RHOJ: variants seen among roughly 807,000 people sequenced by gnomAD.
RHOJ encodes rho-related GTP-binding protein RhoJ.
Under a neutral mutation model 23.4 loss-of-function variants are expected in RHOJ, and 11 were observed. The observed-to-expected ratio is 0.47, with a 90% confidence interval of 0.30 to 0.78. RHOJ has a LOEUF of 0.78. RHOJ is among the 30% of genes least tolerant of loss of function. RHOJ has a pLI of 0.08. For missense variants in RHOJ, 254 were observed against 273.4 expected (o/e 0.93, Z 0.50); for synonymous variants, 102 against 102.7 (o/e 0.99, Z 0.04).
chr14:63,204,789 G>A lies in RHOJ; in HGVS notation c.-81G>A. On this transcript the variant is annotated 5_prime_UTR_variant, in exon 1 of 5. Transcript: ENST00000316754. ...ACAGAGTAAACTCAAGCCTGGCACTGGCTTTCTGCCGCTTCATGTGCTTTG... is the reference window on the plus strand; with the variant it reads ...ACAGAGTAAACTCAAGCCTGGCACTAGCTTTCTGCCGCTTCATGTGCTTTG... The A allele has an allele frequency of 6.9e-7, 1 of 1,450,294 alleles. No individual in the cohort carries two copies. The highest frequency in any genetic ancestry group is 9.5e-7 in the Non-Finnish European group (1 of 1,057,540). The allele number at this position is 1,450,294 out of a possible 1,614,324, so 89.8% of individuals were successfully genotyped here. A position where few individuals can be genotyped will look rare whatever the true frequency, so the allele number is the denominator to read the frequency against.
intron 1 of RHOJ, among the ~76,000 whole-genome samples, chr14:63,215,468 C>A (rs1894334974): frequency 6.6e-6 from 1 of 152,224 alleles, no homozygotes; most frequent in Non-Finnish European, 1.5e-5. Flanking sequence ...GATTCCTGAT[C>A]TTTTTGCAGC....
intron 1 of RHOJ, among the ~76,000 whole-genome samples, chr14:63,217,004 T>C (rs1284701027): frequency 6.6e-6 from 1 of 152,132 alleles, no homozygotes; most frequent in Non-Finnish European, 1.5e-5. Context: ...ATCCCTGTCA[T>C]CCTCAGATGA....
At chr14:63,243,530 G>A (rs1221143270) in intron 1 of RHOJ, among the ~76,000 whole-genome samples, 1 of 152,062 alleles carries the variant, frequency 6.6e-6, no homozygotes, top group South Asian at 2.1e-4. Flanking sequence ...AGTAGAGACG[G>A]GGTTTCCCCA....
At chr14:63,221,140 G>A (rs1019812153) in intron 1 of RHOJ, among the ~76,000 whole-genome samples, 1 of 152,060 alleles carries the variant, frequency 6.6e-6, no homozygotes, top group African/African-American at 2.4e-5. Context: ...ACCAGCCTGG[G>A]CAACATGAGG....
In RHOJ at chr14:63,261,332, A is replaced by G. The variant is rs546028946; in HGVS notation, c.179-7778A>G. The stretch of plus-strand genomic sequence containing the variant: ...TGTAACCATTTTTCCTGGTGTATTT[A>G]CCTTTCTTTTTGATAACATCAAAAG... On this transcript the variant is annotated intron_variant, in intron 1 of 4. Coordinates refer to ENST00000316754, the MANE Select transcript of RHOJ (RefSeq NM_020663.5). 5.3e-5 allele frequency among the ~76,000 whole-genome samples: 8 copies of G among 152,056 alleles called. No homozygotes were observed. In the South Asian group the frequency reaches 1.5e-3, roughly 28 times the overall value.
At chr14:63,238,243 TTTGC>T (rs949971788) in intron 1 of RHOJ, among the ~76,000 whole-genome samples, 3 of 152,168 alleles carry the variant, frequency 2.0e-5, no homozygotes, top group East Asian at 1.9e-4. Flanking sequence ...TGTTTATTTG[TTTGC>T]TTGCTTGCTT....
At chr14:63,231,909 A>T (rs1352092122) in intron 1 of RHOJ, among the ~76,000 whole-genome samples, 1 of 152,222 alleles carries the variant, frequency 6.6e-6, no homozygotes, top group African/African-American at 2.4e-5. Context: ...CAAATAATAC[A>T]AAATGTCCAC....
chr14:63,288,985 C>T (rs1882167643), intron 4 of RHOJ, among the ~76,000 whole-genome samples: 1 of 152,154 alleles, frequency 6.6e-6, no homozygotes, highest in Admixed American at 6.5e-5. Flanking sequence ...AGGAAATGAA[C>T]ATGTATCAAG....
At chr14:63,245,394 C>T (rs1894959325) in intron 1 of RHOJ, among the ~76,000 whole-genome samples, 1 of 152,008 alleles carries the variant, frequency 6.6e-6, no homozygotes, top group African/African-American at 2.4e-5. Flanking sequence ...ACCTGTAATC[C>T]CATACTTTAG....
chr14:63,228,661 A>G (rs2139744683), intron 1 of RHOJ, among the ~76,000 whole-genome samples: 1 of 152,106 alleles, frequency 6.6e-6, no homozygotes, highest in Non-Finnish European at 1.5e-5. Flanking sequence ...GAATAGAAAC[A>G]CAATTGCAAT....
chr14:63,218,936 C>T (rs116328511), intron 1 of RHOJ, among the ~76,000 whole-genome samples: 3,077 of 152,194 alleles, frequency 0.02, 117 homozygotes, highest in African/African-American at 0.071. Flanking sequence ...AACTGATGTC[C>T]GAGTGCTGCA....
chr14:63,220,366 T>TA (rs142262514), intron 1 of RHOJ, among the ~76,000 whole-genome samples: 4 of 149,468 alleles, frequency 2.7e-5, no homozygotes, highest in South Asian at 2.1e-4. Context: ...CCTGAGTAAT[T>TA]AAAAAAAAAT....
intron 2 of RHOJ, among the ~76,000 whole-genome samples, chr14:63,271,363 G>C (rs1308204854): frequency 6.6e-6 from 1 of 152,172 alleles, no homozygotes; most frequent in Non-Finnish European, 1.5e-5. Flanking sequence ...AGGATTTGAG[G>C]CTAGACCCAT....
intron 1 of RHOJ, among the ~76,000 whole-genome samples, chr14:63,224,479 C>T (rs549802931): frequency 6.6e-6 from 1 of 152,230 alleles, no homozygotes; most frequent in Non-Finnish European, 1.5e-5. Context: ...AGCCCACATC[C>T]CTTAGCTGCA....
chr14:63,224,451 G>A (rs1037961129), intron 1 of RHOJ, among the ~76,000 whole-genome samples: 1 of 152,154 alleles, frequency 6.6e-6, no homozygotes, highest in South Asian at 2.1e-4. Context: ...CAGCAGTTGG[G>A]GGGAGGGGGA....
intron 3 of RHOJ, 123 bp downstream of exon 3, chr14:63,281,258 T>C: frequency 2.2e-6 from 2 of 907,186 alleles, no homozygotes; most frequent in Non-Finnish European, 3.2e-6. Flanking sequence ...GTCAATCCTA[T>C]GAACAGAAGT....
At chr14:63,285,574 C>A (rs1359373355) in intron 4 of RHOJ, among the ~76,000 whole-genome samples, 1 of 152,052 alleles carries the variant, frequency 6.6e-6, no homozygotes, top group African/African-American at 2.4e-5. Flanking sequence ...ATTTACAATT[C>A]TTTATACTCC....
chr14:63,276,212 G>A (rs867593455), intron 2 of RHOJ, among the ~76,000 whole-genome samples: 1 of 74,416 alleles, frequency 1.3e-5, no homozygotes, highest in African/African-American at 2.0e-4. Context: ...AGCTTCGGTG[G>A]GGGGGGGCGG....
At chr14:63,277,428 C>T (rs137871123) in intron 2 of RHOJ, among the ~76,000 whole-genome samples, 14 of 152,268 alleles carry the variant, frequency 9.2e-5, no homozygotes, top group African/African-American at 2.2e-4. Context: ...CTCCCAGATA[C>T]GCAGGCCCAC....
Sources: gnomAD v4.1 joint callset for allele counts (sites outside exome capture counted in the v4.1 genomes callset) on GRCh38, gnomAD v4.1.1 for gene constraint, MANE v1.5 for transcripts, NCBI Gene and HGNC (gene_info 2026-07-23, HGNC 2026-07-21) for gene names.